The following RHOT1 variants were observed in gnomAD, a reference collection of about 807,000 sequenced individuals.
RHOT1 encodes ras homolog family member T1.
RHOT1 carries 27 observed loss-of-function variants against 95.3 expected under a neutral mutation model. That is an observed-to-expected ratio of 0.28 (90% confidence interval 0.21 to 0.39). The LOEUF is 0.39. Ranked by LOEUF, RHOT1 falls within the 10% of genes least tolerant of loss-of-function variation. The pLI is 1.00. For missense variants in RHOT1, 578 were observed against 786.7 expected, an observed-to-expected ratio of 0.73 and a Z score of 3.17; for synonymous variants, 227 against 263.5, an observed-to-expected ratio of 0.86 and a Z score of 1.34.
At chr17:32,160,966 C>T (rs1381276847) in intron 1 of RHOT1, among the ~76,000 whole-genome samples, 1 of 152,136 alleles carries the variant, frequency 6.6e-6, no homozygotes, top group Non-Finnish European at 1.5e-5. Context: ...GAAGTGACTC[C>T]CCAACGATCC....
intron 6 of RHOT1, among the ~76,000 whole-genome samples, chr17:32,181,407 C>T (rs1280104539): frequency 1.3e-5 from 2 of 152,158 alleles, no homozygotes; most frequent in East Asian, 1.9e-4. Context: ...GCTTTTCCCT[C>T]AATCTTCACA....
In RHOT1 at chr17:32,198,128, C is replaced by G. The variant is rs2037042801; in HGVS notation, c.870-819C>G. Among the ~76,000 whole-genome samples the G allele has an allele frequency of 2.6e-5, 4 of 151,434 alleles. No homozygotes were observed. The South Asian group carries it at 8.4e-4, about 32-fold the overall frequency. On this transcript the variant is annotated intron_variant, in intron 11 of 19. Coordinates refer to ENST00000545287, the MANE Select transcript of RHOT1 (RefSeq NM_001033566.3). ...CAGGCTGGTCTTGAACTCCTGGGCT[C>G]AAGTGATCCTCCTTGCCTCGGTCTC...
chr17:32,178,246 T>C (rs1311114946), intron 6 of RHOT1, among the ~76,000 whole-genome samples: 1 of 145,042 alleles, frequency 6.9e-6, no homozygotes, highest in Non-Finnish European at 1.5e-5. Context: ...GTCTGGACTG[T>C]ACTGCCGTGA....
At chr17:32,183,552 G>A (rs1034916868) in intron 8 of RHOT1, among the ~76,000 whole-genome samples, 1 of 152,138 alleles carries the variant, frequency 6.6e-6, no homozygotes, top group African/African-American at 2.4e-5. Flanking sequence ...GTCCTCCAAA[G>A]ACTTAGCTAA....
chr17:32,203,852 G>GT (rs1214961832), intron 15 of RHOT1, 38 bp from the exon 16 acceptor site: 1 of 1,439,552 alleles, frequency 6.9e-7, no homozygotes. Context: ...TTGAAAACTA[G>GT]TTACTGCAGA....
At chr17:32,210,927 A>G (rs780060777) in intron 18 of RHOT1, among the ~76,000 whole-genome samples, 189 bp from the exon 19 acceptor site, 6 of 152,112 alleles carry the variant, frequency 3.9e-5, no homozygotes, top group Non-Finnish European at 8.8e-5. Flanking sequence ...GGAGGAAGCT[A>G]TTACTATTTA....
intron 3 of RHOT1, among the ~76,000 whole-genome samples, chr17:32,174,780 A>C (rs1358991659): frequency 6.6e-6 from 1 of 152,196 alleles, no homozygotes; most frequent in Non-Finnish European, 1.5e-5. Context: ...ATATCCCTGC[A>C]TGCGTGGAAT....
Position 32,186,768 on chromosome 17 carries a change from C to T in RHOT1, c.540+3496C>T, listed in dbSNP as rs558344018. Among the ~76,000 whole-genome samples the T allele has an allele frequency of 1.4e-4, 22 of 152,198 alleles. No homozygotes were observed. The East Asian group carries it at 3.7e-3, about 25-fold the overall frequency. ...CCTTAACCTCCTGGATTCAAGCAGT[C>T]CTCCCACTCAGCCTCCTAAGTAGCT... On this transcript the variant is annotated intron_variant, in intron 8 of 19. Transcript: ENST00000545287.
At chr17:32,216,374 G>T (rs771196125) in intron 19 of RHOT1, among the ~76,000 whole-genome samples, 7 of 151,888 alleles carry the variant, frequency 4.6e-5, no homozygotes, top group Admixed American at 4.6e-4. Flanking sequence ...GATTTCCTTT[G>T]TGCATATTTT....
At position 32,192,195 on chromosome 17, in the gene RHOT1, T is replaced by G. The variant is rs776017991; in HGVS notation, c.541-6T>G. On this transcript the variant is annotated splice_polypyrimidine_tract_variant and splice_region_variant and intron_variant, in intron 8 of 19. Coordinates refer to ENST00000545287, the MANE Select transcript of RHOT1 (RefSeq NM_001033566.3). ...AACAATTATTTCTTTTCTCAATGAT[T>G]TATAGATGAAACCAGCTTGTATAAA... The G allele has an allele frequency of 7.6e-7, 1 of 1,312,080 alleles. No individual in the cohort carries two copies. Among genetic ancestry groups the G allele is most frequent in the South Asian group, 1.3e-5 (1 of 77,346 alleles). 81.3% of individuals were successfully genotyped at this position (1,312,080 alleles called of 1,614,324 possible).
chr17:32,193,019 A>G, intron 9 of RHOT1, 117 bp from the exon 10 acceptor site: 1 of 648,990 alleles, frequency 1.5e-6, no homozygotes, highest in Non-Finnish European at 2.7e-6. Flanking sequence ...CTAATGTAGA[A>G]TATGTTTCTT....
chr17:32,205,915 C>T (rs576685732), intron 16 of RHOT1, among the ~76,000 whole-genome samples: 7 of 152,162 alleles, frequency 4.6e-5, no homozygotes, highest in East Asian at 3.9e-4. Flanking sequence ...TAATAAGCAC[C>T]GAAGAGTGGC....
intron 1 of RHOT1, among the ~76,000 whole-genome samples, chr17:32,149,669 A>ATG (rs1375485343): frequency 1.7e-5 from 2 of 118,334 alleles, no homozygotes; most frequent in Admixed American, 8.4e-5. Context: ...GTGTATACAC[A>ATG]CATGCATACA....
intron 11 of RHOT1, among the ~76,000 whole-genome samples, chr17:32,195,895 A>G (rs2036848453): frequency 6.6e-6 from 1 of 152,122 alleles, no homozygotes; most frequent in South Asian, 2.1e-4. Flanking sequence ...ATGTGAATAG[A>G]TGAATTCTAT....
intron 19 of RHOT1, among the ~76,000 whole-genome samples, chr17:32,216,472 CATTTT>C (rs1367773771): frequency 6.6e-6 from 1 of 152,110 alleles, no homozygotes; most frequent in African/African-American, 2.4e-5. Flanking sequence ...TCAGTAGCAG[CATTTT>C]ATTTTGACAA....
chr17:32,198,890 T>G lies in RHOT1; in HGVS notation c.870-57T>G, dbSNP rs2037102876. 5 of 1,145,150 alleles carry G rather than the reference T, an allele frequency of 4.4e-6. 1 individual carries two copies. In the East Asian group the frequency reaches 1.2e-4, roughly 28 times the overall value. 70.9% of individuals were successfully genotyped at this position (1,145,150 alleles called of 1,614,324 possible). On this transcript the variant is annotated intron_variant, in intron 11 of 19. Coordinates refer to ENST00000545287, the MANE Select transcript of RHOT1 (RefSeq NM_001033566.3). ...AGACTTGTTGCAATTTTATATTAAT[T>G]TCTTAAATTTTAACATTTGATTAAT...
At chr17:32,167,333 T>C (rs866127611) in intron 1 of RHOT1, among the ~76,000 whole-genome samples, 44 of 152,156 alleles carry the variant, frequency 2.9e-4, no homozygotes, top group Middle Eastern at 3.4e-3. Context: ...GCATAATTTT[T>C]TTTTTTTTTT....
chr17:32,189,866 G>A (rs1221015464), intron 8 of RHOT1, among the ~76,000 whole-genome samples: 2 of 150,950 alleles, frequency 1.3e-5, no homozygotes, highest in Non-Finnish European at 2.9e-5. Context: ...CCAAGTAGCT[G>A]GGATTACAGG....
At chr17:32,212,682 T>C (rs906350259) in intron 19 of RHOT1, among the ~76,000 whole-genome samples, 1 of 152,202 alleles carries the variant, frequency 6.6e-6, no homozygotes, top group African/African-American at 2.4e-5. Context: ...TATTTTTTTT[T>C]AACTAAATGT....
Sources: allele counts gnomAD v4.1 joint callset (sites outside exome capture counted in the v4.1 genomes callset), GRCh38; gene constraint gnomAD v4.1.1; transcripts MANE v1.5; gene names NCBI Gene and HGNC (gene_info 2026-07-23, HGNC 2026-07-21).